The following CACNG3 variants were observed in gnomAD, a reference collection of about 807,000 sequenced individuals.
CACNG3 encodes calcium voltage-gated channel auxiliary subunit gamma 3, also known as voltage-dependent calcium channel gamma-3 subunit.
A neutral mutation model predicts 28.5 loss-of-function variants in CACNG3; 3 were observed. The ratio of observed to expected loss-of-function variants is 0.11; its 90% confidence interval spans 0.05 to 0.27. The LOEUF (loss-of-function observed/expected upper bound fraction) is 0.27, where lower values mean the gene tolerates loss of function less well. Among genes scored for constraint, CACNG3 ranks in the 10% least tolerant of loss-of-function variants. The pLI, the probability that CACNG3 is intolerant of heterozygous loss-of-function variation, is 1.00. For missense variants in CACNG3, 236 were observed against 414.4 expected (o/e 0.57, Z 3.74); for synonymous variants, 174 against 162.2 (o/e 1.07, Z -0.55).
chr16:24,258,094 C>T lies in CACNG3; in HGVS notation c.211+1129C>T, dbSNP rs144025277. 4.2e-3 allele frequency among the ~76,000 whole-genome samples: 646 copies of T among 152,182 alleles called. 5 individuals carry two copies. Among genetic ancestry groups the T allele is most frequent in the Non-Finnish European group, 7.5e-3 (508 of 67,994 alleles). Reference sequence around the variant, plus strand: ...GGAAATCTGCGTTTCCTGTGTGGTCCCCTCCCCTGCTTGCCATTGGTTCTT... The same window carrying T: ...GGAAATCTGCGTTTCCTGTGTGGTCTCCTCCCCTGCTTGCCATTGGTTCTT... On this transcript the variant is annotated intron_variant, in intron 1 of 3. Coordinates refer to ENST00000005284, the MANE Select transcript of CACNG3 (RefSeq NM_006539.4).
At chr16:24,308,573 G>C (rs1473175506) in intron 1 of CACNG3, among the ~76,000 whole-genome samples, 1 of 151,890 alleles carries the variant, frequency 6.6e-6, no homozygotes, top group Non-Finnish European at 1.5e-5. Context: ...AATATTATCA[G>C]GCCAGGCGCC....
At chr16:24,264,739 A>C (rs992859295) in intron 1 of CACNG3, among the ~76,000 whole-genome samples, 1 of 152,238 alleles carries the variant, frequency 6.6e-6, no homozygotes, top group African/African-American at 2.4e-5. Context: ...ATGCAATTTG[A>C]AATGTTAGAC....
chr16:24,260,915 G>A (rs1314783722), intron 1 of CACNG3, among the ~76,000 whole-genome samples: 3 of 152,148 alleles, frequency 2.0e-5, no homozygotes, highest in Admixed American at 6.5e-5. Flanking sequence ...GAATGAGAAC[G>A]TGTTCAATAT....
chr16:24,333,771 G>A (rs983841942), intron 1 of CACNG3, among the ~76,000 whole-genome samples: 10 of 152,208 alleles, frequency 6.6e-5, no homozygotes, highest in Admixed American at 6.5e-4. Flanking sequence ...GAGCCCAGTA[G>A]TTTGAGGCTG....
intron 1 of CACNG3, among the ~76,000 whole-genome samples, chr16:24,276,512 T>C (rs1233215383): frequency 6.6e-6 from 1 of 152,228 alleles, no homozygotes; most frequent in Non-Finnish European, 1.5e-5. Context: ...CTAAAAGAGC[T>C]ATTTCCATAC....
intron 1 of CACNG3, among the ~76,000 whole-genome samples, chr16:24,328,369 C>T (rs1596644814): frequency 6.7e-6 from 1 of 149,642 alleles, no homozygotes; most frequent in East Asian, 2.0e-4. Context: ...TGAGAAAGAT[C>T]TGGAGAGGGG....
intron 1 of CACNG3, among the ~76,000 whole-genome samples, chr16:24,315,644 CT>C (rs1219750327): frequency 2.7e-5 from 4 of 147,638 alleles, no homozygotes; most frequent in Non-Finnish European, 5.9e-5. Context: ...TCCTTTCTCT[CT>C]CTCTCTCTCA....
intron 1 of CACNG3, among the ~76,000 whole-genome samples, chr16:24,334,979 T>C (rs966749258): frequency 1.3e-5 from 2 of 152,070 alleles, no homozygotes; most frequent in African/African-American, 4.8e-5. Flanking sequence ...ATGCCCAAAA[T>C]AGAGATAATG....
At chr16:24,331,935 C>T (rs1478072461) in intron 1 of CACNG3, among the ~76,000 whole-genome samples, 1 of 152,218 alleles carries the variant, frequency 6.6e-6, no homozygotes, top group African/African-American at 2.4e-5. Flanking sequence ...ACTGTCCTCC[C>T]CCACCCCAAT....
At chr16:24,336,526 C>G (rs1333077902) in intron 1 of CACNG3, among the ~76,000 whole-genome samples, 2 of 150,368 alleles carry the variant, frequency 1.3e-5, no homozygotes, top group Admixed American at 1.3e-4. Context: ...CTGCCTGCCT[C>G]AGCCTCCCAA....
At chr16:24,342,055 G>A (rs1596649359) in intron 1 of CACNG3, among the ~76,000 whole-genome samples, 2 of 152,136 alleles carry the variant, frequency 1.3e-5, no homozygotes, top group Admixed American at 1.3e-4. Context: ...ATCACCTGAG[G>A]TCAGGAGTTC....
intron 1 of CACNG3, among the ~76,000 whole-genome samples, chr16:24,313,657 A>C (rs1899306649): frequency 6.6e-6 from 1 of 152,106 alleles, no homozygotes; most frequent in Non-Finnish European, 1.5e-5. Context: ...ACAAGGTCTT[A>C]TAATTTTCTC....
chr16:24,309,872 G>C (rs924751225), intron 1 of CACNG3, among the ~76,000 whole-genome samples: 5 of 152,178 alleles, frequency 3.3e-5, no homozygotes, highest in African/African-American at 1.2e-4. Context: ...GTCGGGATGA[G>C]GGCTGGACAG....
intron 1 of CACNG3, among the ~76,000 whole-genome samples, chr16:24,319,988 C>T (rs989613802): frequency 3.3e-5 from 5 of 152,190 alleles, no homozygotes; most frequent in African/African-American, 9.7e-5. Flanking sequence ...CCAGGCTGGT[C>T]TCGAACTCCT....
chr16:24,277,026 G>A (rs1196772513), intron 1 of CACNG3, among the ~76,000 whole-genome samples: 1 of 152,202 alleles, frequency 6.6e-6, no homozygotes, highest in Non-Finnish European at 1.5e-5. Context: ...CATTTATCTT[G>A]GCCAGTGCCA....
chr16:24,327,900 C>T (rs1567219984), intron 1 of CACNG3, among the ~76,000 whole-genome samples: 1 of 152,092 alleles, frequency 6.6e-6, no homozygotes, highest in Non-Finnish European at 1.5e-5. Context: ...TATGATCATG[C>T]CACTGCACTC....
intron 1 of CACNG3, among the ~76,000 whole-genome samples, chr16:24,268,488 C>A (rs1003968128): frequency 6.6e-5 from 10 of 152,216 alleles, no homozygotes; most frequent in African/African-American, 2.4e-4. Context: ...GGCTCTGAAC[C>A]ATTCAACCAC....
At chr16:24,317,570 GAAA>G (rs1567217345) in intron 1 of CACNG3, among the ~76,000 whole-genome samples, 20 of 46,632 alleles carry the variant, frequency 4.3e-4, no homozygotes, top group Non-Finnish European at 6.8e-4. Context: ...AAGAAAGAAA[GAAA>G]GAAAGAAAGA....
chr16:24,301,838 T>G (rs951307536), intron 1 of CACNG3, among the ~76,000 whole-genome samples: 11 of 152,204 alleles, frequency 7.2e-5, no homozygotes, highest in African/African-American at 2.7e-4. Flanking sequence ...AAAGATCATT[T>G]TCTTACAGTT....
Sources: allele counts gnomAD v4.1 joint callset (sites outside exome capture counted in the v4.1 genomes callset), GRCh38; gene constraint gnomAD v4.1.1; transcripts MANE v1.5; gene names NCBI Gene and HGNC (gene_info 2026-07-23, HGNC 2026-07-21).